TDRD12: variants seen among roughly 807,000 people sequenced by gnomAD.
TDRD12 encodes the protein putative ATP-dependent RNA helicase TDRD12.
TDRD12 carries 158 observed loss-of-function variants against 133.5 expected under a neutral mutation model. The ratio of observed to expected loss-of-function variants is 1.18; its 90% confidence interval spans 1.04 to 1.35. The LOEUF (loss-of-function observed/expected upper bound fraction) is 1.35. Ranked by LOEUF, TDRD12 falls within the 40% of genes most tolerant of loss-of-function variation. The pLI is 0.00. For missense variants in TDRD12, 1,443 were observed against 1,321.3 expected (o/e 1.09, Z -1.43); for synonymous variants, 460 against 477.9 (o/e 0.96, Z 0.49).
intron 1 of TDRD12, among the ~76,000 whole-genome samples, chr19:32,730,749 C>T (rs1309551995): frequency 6.6e-6 from 1 of 152,130 alleles, no homozygotes; most frequent in Non-Finnish European, 1.5e-5. Flanking sequence ...GGCGCGGTGG[C>T]TCACGCCTGT....
At chr19:32,826,521 G>A (rs1164229294) in exon 9 of TDRD12, 25 of 1,249,980 alleles carry the variant, frequency 2.0e-5, no homozygotes, top group Non-Finnish European at 4.0e-6. Flanking sequence ...CTGCCAATGT[G>A]TGATTAGAAA....
chr19:32,760,841 A>G (rs551108498), intron 8 of TDRD12, among the ~76,000 whole-genome samples: 4 of 152,334 alleles, frequency 2.6e-5, no homozygotes, highest in South Asian at 2.1e-4. Context: ...TTATTTTACA[A>G]TAATCACAAA....
At position 32,826,652 on chromosome 19, in the gene TDRD12, C is replaced by T. The variant is rs542461585; in HGVS notation, c.1049+54C>T. 4.1e-6 allele frequency: 5 copies of T among 1,231,266 alleles called. No individual in the cohort carries two copies. In the African/African-American group the frequency reaches 4.7e-5, roughly 11 times the overall value. 76.3% of individuals were successfully genotyped at this position (1,231,266 alleles called of 1,614,324 possible). On this transcript the variant is annotated intron_variant, in intron 9 of 9. Transcript: ENST00000637289. Reference sequence around the variant, plus strand: ...CTTTACCCTGCGTGTGTCATATTCACGCGCTCACTGTCAGCTGTTCTCTTG... The same window carrying T: ...CTTTACCCTGCGTGTGTCATATTCATGCGCTCACTGTCAGCTGTTCTCTTG...
rs1967243997 is a variant in TDRD12 at position 32,818,075 on chromosome 19, T to C, written c.3315-14T>C. The C allele has an allele frequency of 5.7e-6, 4 of 702,722 alleles. No individual in the cohort carries two copies. The highest frequency in any genetic ancestry group is 1.0e-5 in the Non-Finnish European group (4 of 384,966). 43.5% of individuals were successfully genotyped at this position (702,722 alleles called of 1,614,324 possible). A position where few individuals can be genotyped will look rare whatever the true frequency, so the allele number is the denominator to read the frequency against. ...ATGATTATTTGCAAATGAAGTCTGC[T>C]CTGCTTTCTCCAGGCCGAGGGTGAC... On this transcript the variant is annotated splice_polypyrimidine_tract_variant and intron_variant, in intron 26 of 27. Transcript: ENST00000444215.
intron 1 of TDRD12, among the ~76,000 whole-genome samples, chr19:32,724,155 C>T (rs918762684): frequency 1.3e-5 from 2 of 152,148 alleles, no homozygotes. Context: ...GCCACCACTC[C>T]CAGCCTTTTT....
chr19:32,734,547 ATTTTTTGTG>A (rs1969167281), intron 2 of TDRD12, among the ~76,000 whole-genome samples: 1 of 151,142 alleles, frequency 6.6e-6, no homozygotes, highest in South Asian at 2.1e-4. Flanking sequence ...ATTTTTTTGT[ATTTTTTGTG>A]GTGACAGGGT....
chr19:32,823,733 C>T (rs758674318), downstream of TDRD12, among the ~76,000 whole-genome samples: 32 of 152,314 alleles, frequency 2.1e-4, no homozygotes, highest in Middle Eastern at 6.8e-3. Flanking sequence ...GTTTGCAAGG[C>T]CAGCTGGTCA....
chr19:32,822,158 G>A (rs937488692), downstream of TDRD12, among the ~76,000 whole-genome samples: 3 of 152,080 alleles, frequency 2.0e-5, no homozygotes, highest in Non-Finnish European at 2.9e-5. Flanking sequence ...GGTTGGGCAC[G>A]GTGGCTCATG....
intron 14 of TDRD12, among the ~76,000 whole-genome samples, chr19:32,795,454 C>T (rs1450482405): frequency 6.6e-6 from 1 of 152,034 alleles, no homozygotes; most frequent in East Asian, 1.9e-4. Flanking sequence ...ATTGTTCTGA[C>T]CATTTCACGG....
chr19:32,827,367 CTTTTCTTTT>C, exon 10 of TDRD12: 2 of 256,404 alleles, frequency 7.8e-6, no homozygotes, highest in Non-Finnish European at 1.2e-5. Flanking sequence ...TTTTTCTTTT[CTTTTCTTTT>C]TTTTTTTTTT....
chr19:32,778,722 A>G (rs1005413439), intron 11 of TDRD12, among the ~76,000 whole-genome samples: 6 of 152,240 alleles, frequency 3.9e-5, no homozygotes, highest in Non-Finnish European at 8.8e-5. Context: ...CTGGTCTCGA[A>G]CTCATGACCT....
exon 28 of TDRD12, chr19:32,821,069 C>G: frequency 6.5e-7 from 1 of 1,535,890 alleles, no homozygotes; most frequent in Non-Finnish European, 8.7e-7. Flanking sequence ...GCCTGCAGAG[C>G]CCCCAGCCTG....
chr19:32,721,690 TA>T, intron 1 of TDRD12, among the ~76,000 whole-genome samples: 1 of 141,562 alleles, frequency 7.1e-6, no homozygotes, highest in African/African-American at 2.7e-5. Flanking sequence ...TATTTTATTT[TA>T]TTTTATTTTA....
At chr19:32,813,852 C>T (rs1315049167) in intron 25 of TDRD12, 76 bp downstream of exon 25, 2 of 834,356 alleles carry the variant, frequency 2.4e-6, no homozygotes, top group Admixed American at 2.5e-5. Context: ...TCTAAGCCCT[C>T]ACTTGAATAA....
chr19:32,813,088 A>C (rs1967061263), intron 24 of TDRD12, among the ~76,000 whole-genome samples: 1 of 152,076 alleles, frequency 6.6e-6, no homozygotes, highest in South Asian at 2.1e-4. Context: ...AGTAAGGAGG[A>C]TCGCTGGCAC....
downstream of TDRD12, among the ~76,000 whole-genome samples, chr19:32,823,415 G>A (rs1049298648): frequency 2.0e-5 from 3 of 152,116 alleles, no homozygotes; most frequent in Admixed American, 1.3e-4. Flanking sequence ...TGTGAAGGAT[G>A]GGGGTCATCT....
chr19:32,747,647 A>G (rs1969692338), intron 4 of TDRD12, among the ~76,000 whole-genome samples: 1 of 152,190 alleles, frequency 6.6e-6, no homozygotes, highest in Admixed American at 6.5e-5. Flanking sequence ...AGAAAGGACA[A>G]GATGACAGGG....
chr19:32,741,776 GGTGGCTCACGCCT>G (rs1368952489), intron 3 of TDRD12, among the ~76,000 whole-genome samples: 81 of 152,232 alleles, frequency 5.3e-4, no homozygotes, highest in African/African-American at 1.9e-3. Flanking sequence ...GGCCAGGGGT[GGTGGCTCACGCCT>G]GTAATCCCAG....
At chr19:32,736,400 CAACA>C (rs1447077394) in intron 2 of TDRD12, among the ~76,000 whole-genome samples, 3 of 152,174 alleles carry the variant, frequency 2.0e-5, no homozygotes, top group Non-Finnish European at 2.9e-5. Flanking sequence ...AAACAAAAAA[CAACA>C]AACAATTAGT....
Sources: allele counts gnomAD v4.1 joint callset (sites outside exome capture counted in the v4.1 genomes callset), GRCh38; gene constraint gnomAD v4.1.1; transcripts MANE v1.5; gene names NCBI Gene and HGNC (gene_info 2026-07-23, HGNC 2026-07-21).